The following SCNN1B variants were observed in gnomAD, a reference collection of about 807,000 sequenced individuals.
SCNN1B encodes the protein sodium channel epithelial 1 subunit beta.
Under a neutral mutation model 65.3 loss-of-function variants are expected in SCNN1B, and 46 were observed. The observed-to-expected ratio is 0.70, with a 90% confidence interval of 0.56 to 0.90. SCNN1B has a LOEUF of 0.90. Ranked by LOEUF, SCNN1B falls within the 40% of genes least tolerant of loss-of-function variation. The pLI is 0.00. For missense variants in SCNN1B, 751 were observed against 830.5 expected, an observed-to-expected ratio of 0.90 and a Z score of 1.18; for synonymous variants, 349 against 330.6, an observed-to-expected ratio of 1.06 and a Z score of -0.60.
At position 23,380,241 on chromosome 16, in the gene SCNN1B, G is replaced by T. The variant is rs1410689990; in HGVS notation, c.1542+72G>T. The T allele has an allele frequency of 2.0e-6, 3 of 1,514,224 alleles. No homozygotes were observed. Among genetic ancestry groups the T allele is most frequent in the Non-Finnish European group, 2.8e-6 (3 of 1,089,442 alleles). The allele number at this position is 1,514,224 out of a possible 1,614,324, so 93.8% of individuals were successfully genotyped here. On this transcript the variant is annotated intron_variant, in intron 12 of 12. Transcript: ENST00000343070. The surrounding 1 kb of genome is among the most constrained non-coding windows in gnomAD (Gnocchi z 5.4). ...CCCTGCACCCTGAGGGTGGGGGAAG[G>T]GTTCTGAGCCCTATGAAGGAATTAG...
At chr16:23,375,915 A>G (rs1004492650) in intron 8 of SCNN1B, 60 bp downstream of exon 8, 32 of 1,183,898 alleles carry the variant, frequency 2.7e-5, no homozygotes, top group Non-Finnish European at 3.7e-5. Context: ...GGCTCTGACC[A>G]TAGAGGAGGA....
intron 11 of SCNN1B, 72 bp downstream of exon 11, chr16:23,378,839 A>G: frequency 1.5e-6 from 2 of 1,365,944 alleles, no homozygotes; most frequent in Non-Finnish European, 2.1e-6. Flanking sequence ...GAGTTTGGAC[A>G]CAGGACAGCT....
intron 7 of SCNN1B, among the ~76,000 whole-genome samples, chr16:23,374,127 C>T (rs1003041057): frequency 3.3e-5 from 5 of 151,842 alleles, no homozygotes; most frequent in African/African-American, 9.7e-5. Flanking sequence ...CTTGGTGGGG[C>T]GTGGTGGTGC....
intron 1 of SCNN1B, among the ~76,000 whole-genome samples, chr16:23,311,768 A>C (rs558975772): frequency 6.6e-6 from 1 of 152,274 alleles, no homozygotes; most frequent in African/African-American, 2.4e-5. Context: ...GGGAGGGGAA[A>C]TGTGAAAAGT....
Position 23,380,860 on chromosome 16 carries a change from G to A in SCNN1B, c.*59G>A, listed in dbSNP as rs557706114. 122 of 1,588,426 alleles carry A rather than the reference G, an allele frequency of 7.7e-5. No individual in the cohort carries two copies. The African/African-American group carries it at 1.2e-3, about 16-fold the overall frequency. ...CACTGAGCAGCCAAGACTGTTGCCC[G>A]AGGCCTCACTGTATGGTGCCCTCTC... On this transcript the variant is annotated 3_prime_UTR_variant, in exon 13 of 13. Transcript: ENST00000343070. This position sits in a 1 kb window ranked among gnomAD's most constrained non-coding sequence, Gnocchi z 5.4.
chr16:23,281,124 C>T (rs1004020806), intron 1 of SCNN1B, among the ~76,000 whole-genome samples: 2 of 152,166 alleles, frequency 1.3e-5, no homozygotes, highest in Admixed American at 1.3e-4. Flanking sequence ...ACAGTAATAG[C>T]CATTCCATAA....
chr16:23,350,935 A>C (rs764364619), intron 2 of SCNN1B, among the ~76,000 whole-genome samples: 3 of 150,830 alleles, frequency 2.0e-5, no homozygotes, highest in South Asian at 4.2e-4. Flanking sequence ...GAAAAGAAAG[A>C]AAGCAAAAGA....
At chr16:23,315,994 C>T (rs1187142296) in intron 1 of SCNN1B, among the ~76,000 whole-genome samples, 1 of 151,528 alleles carries the variant, frequency 6.6e-6, no homozygotes, top group Non-Finnish European at 1.5e-5. Flanking sequence ...TCATCGCCAT[C>T]ATCATCATCA....
At chr16:23,337,429 A>G (rs1463526667) in intron 1 of SCNN1B, among the ~76,000 whole-genome samples, 2 of 143,718 alleles carry the variant, frequency 1.4e-5, no homozygotes, top group Non-Finnish European at 3.0e-5. Context: ...GCTGGAGTGC[A>G]GTGGTATGAT....
At chr16:23,301,985 A>G (rs2141976334), upstream of SCNN1B, among the ~76,000 whole-genome samples, 1 of 152,080 alleles carries the variant, frequency 6.6e-6, no homozygotes, top group African/African-American at 2.4e-5. Flanking sequence ...GTGGGGTGGG[A>G]TGGAGTGTTC....
At chr16:23,282,760 C>T (rs970853665) in intron 1 of SCNN1B, among the ~76,000 whole-genome samples, 4 of 152,130 alleles carry the variant, frequency 2.6e-5, no homozygotes, top group African/African-American at 9.7e-5. Flanking sequence ...CAGAAGTTAC[C>T]ACCACTTTTT....
intron 1 of SCNN1B, among the ~76,000 whole-genome samples, chr16:23,339,656 C>T (rs1962014173): frequency 6.6e-6 from 1 of 152,058 alleles, no homozygotes; most frequent in African/African-American, 2.4e-5. Context: ...ACCTCTACCT[C>T]CTGGGCTCAA....
chr16:23,284,555 AT>A (rs1460915122), intron 2 of SCNN1B, among the ~76,000 whole-genome samples: 6 of 152,240 alleles, frequency 3.9e-5, no homozygotes, highest in African/African-American at 1.4e-4. Flanking sequence ...AAGGCACTCC[AT>A]AAATAGAAAG....
intron 1 of SCNN1B, among the ~76,000 whole-genome samples, chr16:23,343,509 A>AGGAAGGAAGGAAG (rs1429039403): frequency 1.3e-5 from 1 of 76,472 alleles, no homozygotes; most frequent in African/African-American, 5.6e-5. Flanking sequence ...GAAGGAAGGA[A>AGGAAGGAAGGAAG]AAGGAAGGAA....
At chr16:23,346,571 T>G (rs1962193174) in intron 1 of SCNN1B, among the ~76,000 whole-genome samples, 1 of 152,044 alleles carries the variant, frequency 6.6e-6, no homozygotes, top group Non-Finnish European at 1.5e-5. Context: ...CCCTCATGCC[T>G]CCAAAGGTTC....
chr16:23,346,578 G>A (rs1356571578), intron 1 of SCNN1B, among the ~76,000 whole-genome samples: 3 of 151,996 alleles, frequency 2.0e-5, no homozygotes, highest in Non-Finnish European at 4.4e-5. Flanking sequence ...GCCTCCAAAG[G>A]TTCCAGTTCT....
At chr16:23,343,788 C>T (rs747758776) in intron 1 of SCNN1B, among the ~76,000 whole-genome samples, 11 of 152,156 alleles carry the variant, frequency 7.2e-5, no homozygotes, top group Non-Finnish European at 1.3e-4. Flanking sequence ...TGAAGCATGA[C>T]AATTGGTGTC....
At chr16:23,367,799 C>T (rs1164507188) in intron 4 of SCNN1B, 57 bp from the exon 5 acceptor site, 11 of 1,317,858 alleles carry the variant, frequency 8.3e-6, no homozygotes, top group East Asian at 4.6e-5. Flanking sequence ...GGCAGACAGT[C>T]GGGGGAGGCA....
chr16:23,328,184 A>T (rs28585046), intron 1 of SCNN1B, among the ~76,000 whole-genome samples: 10,596 of 152,252 alleles, frequency 0.07, 1,238 homozygotes, highest in African/African-American at 0.24. Flanking sequence ...GCATGTGCAG[A>T]TGGCTTTTAG....
Sources: gnomAD v4.1 joint callset for allele counts (sites outside exome capture counted in the v4.1 genomes callset) on GRCh38, gnomAD v4.1.1 for gene constraint, Gnocchi (gnomAD v3.1) non-coding constraint, MANE v1.5 for transcripts, NCBI Gene and HGNC (gene_info 2026-07-23, HGNC 2026-07-21) for gene names.